TBPL1: variants seen among roughly 807,000 people sequenced by gnomAD.
The protein encoded by TBPL1 is TATA-box binding protein like 1, also known as TATA box-binding protein-like 1.
A neutral mutation model predicts 22.1 loss-of-function variants in TBPL1; 4 were observed. The observed-to-expected ratio is 0.18, with a 90% CI of 0.09 to 0.41. The LOEUF is 0.41. TBPL1 is among the 10% of genes least tolerant of loss of function. The probability of loss-of-function intolerance (pLI) is 1.00; values close to 1 mark genes in which losing one functional copy is unlikely to be tolerated. For missense variants in TBPL1, 115 were observed against 222.3 expected (o/e 0.52, Z 3.07); for synonymous variants, 64 against 71.0 (o/e 0.90, Z 0.50).
At chr6:133,980,777 A>C (rs1159028712) in intron 2 of TBPL1, among the ~76,000 whole-genome samples, 1 of 151,708 alleles carries the variant, frequency 6.6e-6, no homozygotes, top group African/African-American at 2.4e-5. Flanking sequence ...ATAAGTAATA[A>C]TAAAACCTTA....
chr6:133,960,284 C>T (rs1003362239), intron 1 of TBPL1, among the ~76,000 whole-genome samples: 1 of 152,134 alleles, frequency 6.6e-6, no homozygotes, highest in African/African-American at 2.4e-5. Context: ...GTACTCTGTT[C>T]TTTACTCTTC....
At position 133,982,639 on chromosome 6, in the gene TBPL1, T is replaced by C; in HGVS notation, c.207T>C (p.Thr69=). The C allele has an allele frequency of 1.9e-6, 3 of 1,613,174 alleles. No homozygotes were observed. The highest frequency in any genetic ancestry group is 2.5e-6 in the Non-Finnish European group (3 of 1,179,700). Residue 69 remains threonine, a synonymous_variant, in exon 3 of 7, where the codon ACT becomes ACC. Transcript: ENST00000237264. ...GGTCCTCAGGAAAAATTATTTGCAC[T>C]GGAGCAACAAGGTAAATGCTACTTG... ...TIWSSGKIIC[T]GATSEEEAKF... is the part of the protein sequence containing the mutation.
intron 2 of TBPL1, 60 bp downstream of exon 2, chr6:133,980,320 A>C: frequency 2.0e-6 from 3 of 1,490,180 alleles, no homozygotes; most frequent in Non-Finnish European, 1.8e-6. Context: ...TCTATGACTA[A>C]TACTAAAATG....
At chr6:133,952,907 G>C (rs897916605), upstream of TBPL1, among the ~76,000 whole-genome samples, 8 of 152,148 alleles carry the variant, frequency 5.3e-5, no homozygotes, top group African/African-American at 1.9e-4. The surrounding 1 kb of genome is among the most constrained non-coding windows in gnomAD (Gnocchi z 4.5). Flanking sequence ...AAGGATACAC[G>C]GTGTTTTCAG....
chr6:133,958,568 G>T (rs1439034888), intron 1 of TBPL1, among the ~76,000 whole-genome samples: 1 of 152,170 alleles, frequency 6.6e-6, no homozygotes, highest in Non-Finnish European at 1.5e-5. Context: ...TGTTTAGGCT[G>T]CTGCTGAAAT....
In TBPL1 at chr6:133,961,666, A is replaced by G. The variant is rs2268069; in HGVS notation, c.-45+8241A>G. Among the ~76,000 whole-genome samples, 1,279 of 151,976 alleles carry G rather than the reference A, an allele frequency of 8.4e-3. 38 individuals carry two copies. Among genetic ancestry groups the G allele is most frequent in the Admixed American group, 0.062 (946 of 15,250 alleles). On this transcript the variant is annotated intron_variant, in intron 1 of 6. Coordinates refer to ENST00000237264, the MANE Select transcript of TBPL1 (RefSeq NM_004865.4). ...TATTTAGTAGAGATGGGGTTTCACC[A>G]TGTTAATCGGGCTGGTCTTGAATCC...
At chr6:133,980,295 G>A (rs754210147) in intron 2 of TBPL1, 35 bp downstream of exon 2, 3 of 1,559,998 alleles carry the variant, frequency 1.9e-6, no homozygotes, top group Non-Finnish European at 2.6e-6. Context: ...GTACTACATA[G>A]CCTAATTTTA....
rs1776573825 is a variant in TBPL1, at chr6:133,988,714, T to A, written c.*1674T>A. 1 of 152,136 alleles carries A rather than the reference T, an allele frequency of 6.6e-6. No individual in the cohort carries two copies. The highest frequency in any genetic ancestry group is 2.1e-4 in the South Asian group (1 of 4,824). 9.4% of individuals were successfully genotyped at this position (152,136 alleles called of 1,614,324 possible). A position where few individuals can be genotyped will look rare whatever the true frequency, so the allele number is the denominator to read the frequency against. The stretch of plus-strand genomic sequence containing the variant: ...AAATATTTCATTGAGATTTTTAGAC[T>A]TGTATTTTTCCTTTTTTTTAAAAAA... On this transcript the variant is annotated 3_prime_UTR_variant, in exon 7 of 7. Coordinates refer to ENST00000237264, the MANE Select transcript of TBPL1 (RefSeq NM_004865.4).
chr6:133,985,376 AT>A lies in TBPL1; in HGVS notation c.481+715del, dbSNP rs535257177. Among the ~76,000 whole-genome samples the A allele has an allele frequency of 1.2e-3, 149 of 120,922 alleles. 1 individual carries two copies. Among genetic ancestry groups the A allele is most frequent in the East Asian group, 6.7e-3 (24 of 3,596 alleles). The allele number at this position is 120,922 out of a possible 152,430, so 79.3% of individuals were successfully genotyped here. ...TTCTGGTATATGTATCCATAGTATG[AT>A]TTTTTTTTTGTAAATTCATGATATC... On this transcript the variant is annotated intron_variant, in intron 6 of 6. Transcript: ENST00000237264.
At chr6:133,975,958 T>C (rs1306134116) in intron 1 of TBPL1, among the ~76,000 whole-genome samples, 1 of 152,220 alleles carries the variant, frequency 6.6e-6, no homozygotes, top group African/African-American at 2.4e-5. Context: ...TTAATAGCCT[T>C]GTGAGTTTAA....
chr6:133,986,847 C>T, intron 6 of TBPL1, 114 bp from the exon 7 acceptor site: 1 of 592,452 alleles, frequency 1.7e-6, no homozygotes, highest in Non-Finnish European at 2.8e-6. Context: ...TTTTTTTTAA[C>T]AGTTAACTTG....
At chr6:133,985,073 A>G (rs1776483299) in intron 6 of TBPL1, among the ~76,000 whole-genome samples, 1 of 151,458 alleles carries the variant, frequency 6.6e-6, no homozygotes, top group Admixed American at 6.6e-5. Context: ...AGGTCAAGAG[A>G]TCAAGACCAT....
chr6:133,953,762 A>G (rs1432482656), intron 1 of TBPL1, among the ~76,000 whole-genome samples: 2 of 150,370 alleles, frequency 1.3e-5, no homozygotes, highest in African/African-American at 4.9e-5. Context: ...CACCACTGGG[A>G]AAGACGGGGA....
rs568288874 is a variant in TBPL1, at chr6:133,961,856, A to G, written c.-45+8431A>G. ...CTTTCATTATCTCGTTTCCTTTATA[A>G]CATAGATCACATTCTCTTGATTATT... On this transcript the variant is annotated intron_variant, in intron 1 of 6. Transcript: ENST00000237264. 3.9e-5 allele frequency among the ~76,000 whole-genome samples: 6 copies of G among 152,144 alleles called. No homozygotes were observed. The South Asian group carries it at 1.2e-3, about 32-fold the overall frequency.
intron 6 of TBPL1, among the ~76,000 whole-genome samples, chr6:133,985,299 T>A (rs28706940): frequency 0.18 from 2,852 of 15,492 alleles, 621 homozygotes; most frequent in African/African-American, 0.28. Flanking sequence ...AAAAAAAAAA[T>A]ATATATATAT....
At chr6:133,956,525 A>G (rs1429475668) in intron 1 of TBPL1, among the ~76,000 whole-genome samples, 1 of 151,920 alleles carries the variant, frequency 6.6e-6, no homozygotes, top group Non-Finnish European at 1.5e-5. Flanking sequence ...CATGCCTGCT[A>G]AACTAGAAGT....
intron 4 of TBPL1, among the ~76,000 whole-genome samples, chr6:133,983,362 A>G (rs1233477219): frequency 6.6e-6 from 1 of 152,232 alleles, no homozygotes; most frequent in Non-Finnish European, 1.5e-5. Flanking sequence ...ATTACATATT[A>G]TGGACTTGCT....
rs183856720 is a variant in TBPL1 at position 133,966,221 on chromosome 6, C to T, written c.-45+12796C>T. Among the ~76,000 whole-genome samples, 112 of 152,252 alleles carry T rather than the reference C, an allele frequency of 7.4e-4. 1 individual carries two copies. The highest frequency in any genetic ancestry group is 2.6e-3 in the African/African-American group (108 of 41,564). On this transcript the variant is annotated intron_variant, in intron 1 of 6. Transcript: ENST00000237264. Reference sequence around the variant, plus strand: ...AATGTGTATGGCGCATTGGGAACTACGCCAAGGCTGGGGTACAGAAATAAA... The same window carrying T: ...AATGTGTATGGCGCATTGGGAACTATGCCAAGGCTGGGGTACAGAAATAAA...
chr6:133,971,119 G>A (rs9399083), intron 1 of TBPL1, among the ~76,000 whole-genome samples: 97,047 of 151,498 alleles, frequency 0.64, 31,934 homozygotes, highest in African/African-American at 0.74. Flanking sequence ...TCTGTTAATC[G>A]CTCTTCTTTC....
Sources: gnomAD v4.1 joint callset for allele counts (sites outside exome capture counted in the v4.1 genomes callset) on GRCh38, gnomAD v4.1.1 for gene constraint, Gnocchi (gnomAD v3.1) non-coding constraint, MANE v1.5 for transcripts, NCBI Gene and HGNC (gene_info 2026-07-23, HGNC 2026-07-21) for gene names.